RAB38: variants seen among roughly 807,000 people sequenced by gnomAD.
RAB38 encodes ras-related protein Rab-38.
In RAB38, 15 loss-of-function variants were observed where a neutral mutation model predicts 18.4. The ratio of observed to expected loss-of-function variants is 0.82; its 90% confidence interval spans 0.55 to 1.26. RAB38 has a LOEUF of 1.26. RAB38 is among the 50% of genes most tolerant of loss of function. The probability of loss-of-function intolerance (pLI) is 0.00; values close to 1 mark genes in which losing one functional copy is unlikely to be tolerated. For missense variants in RAB38, 294 were observed against 267.4 expected, an observed-to-expected ratio of 1.10 and a Z score of -0.69; for synonymous variants, 101 against 104.4, an observed-to-expected ratio of 0.97 and a Z score of 0.20.
chr11:88,049,266 G>A, the RAB38 span, among the ~76,000 whole-genome samples: 3 of 152,234 alleles, frequency 2.0e-5, no homozygotes, highest in Admixed American at 2.0e-4. Context: ...CCTGTGACCT[G>A]CACATAAACA....
At chr11:87,974,577 A>T in the RAB38 span, among the ~76,000 whole-genome samples, 1 of 151,836 alleles carries the variant, frequency 6.6e-6, no homozygotes, top group African/African-American at 2.4e-5. Context: ...TGGAGAAATA[A>T]TTTCTGAATT....
the RAB38 span, among the ~76,000 whole-genome samples, chr11:87,811,476 C>A: frequency 6.6e-6 from 1 of 152,154 alleles, no homozygotes. Flanking sequence ...CTCTTCTTAC[C>A]TCTTCAGGCC....
the RAB38 span, among the ~76,000 whole-genome samples, chr11:87,902,051 T>C: frequency 6.6e-6 from 1 of 151,496 alleles, no homozygotes; most frequent in Non-Finnish European, 1.5e-5. Flanking sequence ...ATACTTTGAT[T>C]ATCCTGTTTG....
In RAB38 at chr11:88,149,841, T is replaced by G. The variant is rs888480983; in HGVS notation, c.317A>C (p.Asn106Thr). Residue 106 changes from asparagine to threonine, a missense_variant, in exon 2 of 3, where the codon AAT becomes ACT. Physicochemically the swap from Asn to Thr is moderately conservative, Grantham distance 65. Coordinates refer to ENST00000243662, the MANE Select transcript of RAB38 (RefSeq NM_022337.3). Reference protein sequence around the residue: ...ATFEAVAKWKNDLDSKLSLPN... With the variant: ...ATFEAVAKWKTDLDSKLSLPN... ...GAGACTTAACTTGGAGTCCAAATCA[T>G]TTTTCCACTTTGCCACTGCTTCAAA... The G allele has an allele frequency of 1.2e-6, 2 of 1,614,048 alleles. No individual in the cohort carries two copies. The highest frequency in any genetic ancestry group is 1.6e-4 in the Middle Eastern group (1 of 6,062).
the RAB38 span, among the ~76,000 whole-genome samples, chr11:87,949,773 G>C: frequency 6.6e-6 from 1 of 152,162 alleles, no homozygotes; most frequent in Non-Finnish European, 1.5e-5. Flanking sequence ...TATAATTTTT[G>C]TTCTTTTACA....
At chr11:88,041,665 T>C in the RAB38 span, among the ~76,000 whole-genome samples, 1 of 152,192 alleles carries the variant, frequency 6.6e-6, no homozygotes, top group Non-Finnish European at 1.5e-5. Context: ...CCCGTGAAAT[T>C]GAGAAAAATT....
At chr11:88,054,718 A>G in the RAB38 span, among the ~76,000 whole-genome samples, 1 of 152,264 alleles carries the variant, frequency 6.6e-6, no homozygotes, top group African/African-American at 2.4e-5. Flanking sequence ...TGTGCTTCAC[A>G]GGGAAAGTAA....
At chr11:87,871,595 G>A in the RAB38 span, among the ~76,000 whole-genome samples, 2 of 151,498 alleles carry the variant, frequency 1.3e-5, no homozygotes, top group Non-Finnish European at 3.0e-5. Flanking sequence ...AAAGTAGTGT[G>A]TCATAAGTAT....
At chr11:88,004,854 T>A in the RAB38 span, among the ~76,000 whole-genome samples, 10 of 151,276 alleles carry the variant, frequency 6.6e-5, no homozygotes, top group African/African-American at 1.9e-4. Flanking sequence ...ACCAAACAAT[T>A]GGAAAAATAA....
chr11:88,104,236 C>T, the RAB38 span, among the ~76,000 whole-genome samples: 1 of 152,114 alleles, frequency 6.6e-6, no homozygotes, highest in African/African-American at 2.4e-5. Context: ...CTTTAGCGTT[C>T]TCTTTAACCA....
the RAB38 span, among the ~76,000 whole-genome samples, chr11:87,968,755 T>A: frequency 6.6e-6 from 1 of 152,170 alleles, no homozygotes; most frequent in Admixed American, 6.6e-5. Flanking sequence ...TATTGCAGAC[T>A]TGTAACAAAG....
At chr11:87,948,372 C>T in the RAB38 span, among the ~76,000 whole-genome samples, 98 of 152,062 alleles carry the variant, frequency 6.4e-4, 1 homozygote, top group Non-Finnish European at 1.1e-3. Flanking sequence ...CTTTTCCTAA[C>T]TGAATACCCT....
chr11:87,975,406 C>A, the RAB38 span, among the ~76,000 whole-genome samples: 1 of 151,850 alleles, frequency 6.6e-6, no homozygotes, highest in Non-Finnish European at 1.5e-5. Context: ...TGAAATAATT[C>A]TTTGCCAGCA....
the RAB38 span, among the ~76,000 whole-genome samples, chr11:88,051,149 G>A: frequency 6.6e-6 from 1 of 151,978 alleles, no homozygotes; most frequent in Non-Finnish European, 1.5e-5. Context: ...CTGTACCCAA[G>A]AAATGTGCCT....
At chr11:87,950,820 T>A in the RAB38 span, among the ~76,000 whole-genome samples, 1 of 152,190 alleles carries the variant, frequency 6.6e-6, no homozygotes, top group Non-Finnish European at 1.5e-5. Flanking sequence ...CCCTTGACAT[T>A]TTTTCCTTCA....
At chr11:88,153,077 C>G (rs10501660) in intron 1 of RAB38, among the ~76,000 whole-genome samples, 37,457 of 152,214 alleles carry the variant, frequency 0.25, 4,659 homozygotes, top group Admixed American at 0.27. Flanking sequence ...GCTGCGGGAA[C>G]TATTTAGATA....
chr11:87,820,204 G>GT, the RAB38 span, among the ~76,000 whole-genome samples: 1 of 152,098 alleles, frequency 6.6e-6, no homozygotes, highest in Non-Finnish European at 1.5e-5. Context: ...TTGCATTTCG[G>GT]TTTTCATGGA....
chr11:88,040,204 A>C, the RAB38 span, among the ~76,000 whole-genome samples: 62 of 152,212 alleles, frequency 4.1e-4, no homozygotes, highest in African/African-American at 1.5e-3. Flanking sequence ...ATGTTCTCAC[A>C]GTTCTGGGGG....
downstream of RAB38, among the ~76,000 whole-genome samples, chr11:88,109,999 C>G (rs1942452403): frequency 6.6e-6 from 1 of 152,076 alleles, no homozygotes; most frequent in Non-Finnish European, 1.5e-5. Context: ...ACCATTTGAC[C>G]CAGCAATCCC....
Sources: allele counts gnomAD v4.1 joint callset (sites outside exome capture counted in the v4.1 genomes callset), GRCh38; gene constraint gnomAD v4.1.1; transcripts MANE v1.5; gene names NCBI Gene and HGNC (gene_info 2026-07-23, HGNC 2026-07-21).